C12orf54: variants seen among roughly 807,000 people sequenced by gnomAD.
C12orf54 encodes chromosome 12 open reading frame 54.
A neutral mutation model predicts 26.4 loss-of-function variants in C12orf54; 24 were observed. The ratio of observed to expected loss-of-function variants is 0.91; its 90% CI spans 0.66 to 1.28. The LOEUF (loss-of-function observed/expected upper bound fraction) is 1.28, where lower values mean the gene tolerates loss of function less well. Among genes scored for constraint, C12orf54 ranks in the 50% most tolerant of loss-of-function variants. C12orf54 has a pLI of 0.00. For synonymous variants in C12orf54, 54 were observed against 47.0 expected (o/e 1.15, Z -0.61); for missense variants, 154 against 150.9 (o/e 1.02, Z -0.11).
At chr12:48,467,374 T>C in the C12orf54 span, among the ~76,000 whole-genome samples, 7 of 152,188 alleles carry the variant, frequency 4.6e-5, no homozygotes, top group Non-Finnish European at 1.0e-4. Context: ...ATTTTTGTTG[T>C]TAAAGCCACC....
the C12orf54 span, among the ~76,000 whole-genome samples, chr12:48,462,093 CTAAT>C: frequency 6.6e-6 from 1 of 151,286 alleles, no homozygotes; most frequent in African/African-American, 2.4e-5. Context: ...TATGAAAAAA[CTAAT>C]AAGGGAATTT....
chr12:48,479,208 T>C (rs1356790338), upstream of C12orf54, among the ~76,000 whole-genome samples: 1 of 152,190 alleles, frequency 6.6e-6, no homozygotes, highest in African/African-American at 2.4e-5. Flanking sequence ...TCATGTCCTT[T>C]GTAGGGACAT....
chr12:48,491,971 C>T (rs1176577005), intron 6 of C12orf54, among the ~76,000 whole-genome samples: 2 of 152,050 alleles, frequency 1.3e-5, no homozygotes, highest in African/African-American at 4.8e-5. Context: ...TCTTGAATCC[C>T]ACTGATTATC....
chr12:48,438,115 A>C, the C12orf54 span, among the ~76,000 whole-genome samples: 4 of 152,192 alleles, frequency 2.6e-5, no homozygotes, highest in African/African-American at 9.7e-5. Context: ...AATAACAGAC[A>C]AACAGAGAGC....
the C12orf54 span, among the ~76,000 whole-genome samples, chr12:48,414,934 G>A: frequency 1.4e-3 from 216 of 152,278 alleles, no homozygotes; most frequent in African/African-American, 4.8e-3. Context: ...AATGCAAACA[G>A]CTAAGCCTTC....
the C12orf54 span, among the ~76,000 whole-genome samples, chr12:48,419,186 G>C: frequency 6.6e-6 from 1 of 152,158 alleles, no homozygotes; most frequent in African/African-American, 2.4e-5. Context: ...TTACCCTAAA[G>C]AAATGCAGGC....
chr12:48,488,339 GC>G, intron 4 of C12orf54: 6 of 517,568 alleles, frequency 1.2e-5, no homozygotes, highest in Admixed American at 2.5e-5. Flanking sequence ...AGAATGCTGT[GC>G]CCCCTGGTGC....
At chr12:48,428,757 A>G in the C12orf54 span, among the ~76,000 whole-genome samples, 1 of 152,154 alleles carries the variant, frequency 6.6e-6, no homozygotes, top group African/African-American at 2.4e-5. Flanking sequence ...AATTGGTACC[A>G]ATCCTATTGA....
chr12:48,444,887 G>A, the C12orf54 span, among the ~76,000 whole-genome samples: 10 of 152,120 alleles, frequency 6.6e-5, no homozygotes, highest in East Asian at 3.9e-4. Flanking sequence ...AAATACAAAT[G>A]AATGGCCGGG....
intron 4 of C12orf54, chr12:48,487,722 C>A: frequency 4.7e-6 from 1 of 211,364 alleles, no homozygotes; most frequent in Non-Finnish European, 9.2e-6. Flanking sequence ...ATTTATCTTC[C>A]ATATGTACTC....
the C12orf54 span, among the ~76,000 whole-genome samples, chr12:48,450,669 C>A: frequency 6.6e-6 from 1 of 152,138 alleles, no homozygotes; most frequent in Non-Finnish European, 1.5e-5. Flanking sequence ...TAGAGAAATA[C>A]AAACAACTAT....
At chr12:48,453,130 A>G in the C12orf54 span, among the ~76,000 whole-genome samples, 2 of 152,244 alleles carry the variant, frequency 1.3e-5, no homozygotes, top group Non-Finnish European at 2.9e-5. Flanking sequence ...AAAATGTGGT[A>G]CATACATGAT....
chr12:48,414,621 C>G, the C12orf54 span, among the ~76,000 whole-genome samples: 17 of 152,238 alleles, frequency 1.1e-4, 1 homozygote, highest in East Asian at 2.5e-3. Context: ...TCTTTTTCTA[C>G]TTGGTATCCA....
upstream of C12orf54, among the ~76,000 whole-genome samples, chr12:48,478,261 GCTAT>G (rs964503437): frequency 6.6e-6 from 1 of 152,104 alleles, no homozygotes; most frequent in African/African-American, 2.4e-5. Flanking sequence ...AATAATAAGA[GCTAT>G]CTATGACAAA....
At chr12:48,475,470 C>G in the C12orf54 span, among the ~76,000 whole-genome samples, 8 of 151,888 alleles carry the variant, frequency 5.3e-5, no homozygotes, top group Non-Finnish European at 1.0e-4. Flanking sequence ...AAACTTGAAC[C>G]AATGGCAAAG....
chr12:48,458,038 G>A, the C12orf54 span, among the ~76,000 whole-genome samples: 3 of 152,218 alleles, frequency 2.0e-5, no homozygotes, highest in African/African-American at 7.2e-5. Flanking sequence ...TGAAGGCAAG[G>A]GTGGCCTGTG....
At chr12:48,427,062 G>A in the C12orf54 span, among the ~76,000 whole-genome samples, 1 of 152,034 alleles carries the variant, frequency 6.6e-6, no homozygotes, top group African/African-American at 2.4e-5. Flanking sequence ...CTATTTGGAT[G>A]CCCTTTATTT....
chr12:48,439,952 C>T, the C12orf54 span, among the ~76,000 whole-genome samples: 5 of 152,010 alleles, frequency 3.3e-5, no homozygotes, highest in South Asian at 4.2e-4. Context: ...TGGCCAGTCA[C>T]GGTGGCTCAT....
At chr12:48,462,022 A>G in the C12orf54 span, among the ~76,000 whole-genome samples, 1 of 151,790 alleles carries the variant, frequency 6.6e-6, no homozygotes, top group South Asian at 2.1e-4. Context: ...GGATAGAGAA[A>G]GGAGACATGA....
Sources: gnomAD v4.1 joint callset for allele counts (sites outside exome capture counted in the v4.1 genomes callset) on GRCh38, gnomAD v4.1.1 for gene constraint, MANE v1.5 for transcripts, NCBI Gene and HGNC (gene_info 2026-07-23, HGNC 2026-07-21) for gene names.